The following PTPDC1 variants were observed in gnomAD, a reference collection of about 807,000 sequenced individuals.
PTPDC1 encodes protein tyrosine phosphatase domain-containing protein 1.
PTPDC1 carries 53 observed loss-of-function variants against 75.3 expected under a neutral mutation model. The observed-to-expected ratio is 0.70, with a 90% CI of 0.56 to 0.88. The LOEUF (loss-of-function observed/expected upper bound fraction) is 0.88. Ranked by LOEUF, PTPDC1 falls within the 40% of genes least tolerant of loss-of-function variation. The pLI is 0.00. For missense variants in PTPDC1, 925 were observed against 998.6 expected, an observed-to-expected ratio of 0.93 and a Z score of 0.99; for synonymous variants, 349 against 366.2, an observed-to-expected ratio of 0.95 and a Z score of 0.54.
intron 4 of PTPDC1, among the ~76,000 whole-genome samples, chr9:94,094,892 C>G (rs1040828330): frequency 6.6e-6 from 1 of 152,226 alleles, no homozygotes; most frequent in Non-Finnish European, 1.5e-5. Flanking sequence ...ACCCCCTGAC[C>G]CCTTGCGCTT....
chr9:94,091,747 G>A (rs953492830), intron 4 of PTPDC1, among the ~76,000 whole-genome samples: 53 of 152,236 alleles, frequency 3.5e-4, no homozygotes, highest in African/African-American at 1.3e-3. Flanking sequence ...ATTGATTATT[G>A]CCACAATTTC....
chr9:94,035,972 T>C (rs1465154309), intron 1 of PTPDC1, among the ~76,000 whole-genome samples: 1 of 152,078 alleles, frequency 6.6e-6, no homozygotes, highest in East Asian at 1.9e-4. Flanking sequence ...GTATGTCTTA[T>C]TTGGAAAAAT....
Position 94,095,373 on chromosome 9 carries a change from CT to C in PTPDC1, c.674del (p.Leu225GlnfsTer4), listed in dbSNP as rs765489120. 2 of 1,612,282 alleles carry C rather than the reference CT, an allele frequency of 1.2e-6. No homozygotes were observed. The highest frequency in any genetic ancestry group is 1.7e-6 in the Non-Finnish European group (2 of 1,178,514). On this transcript the variant is annotated frameshift_variant, in exon 5 of 9. Transcript: ENST00000620992. LOFTEE classifies it high-confidence loss of function. ...DYGVASLTTI[L>X]DMVKVMTFAL... is the part of the protein sequence containing the mutation. ...TGGTGTAGCGTCTCTTACTACTATC[CT>C]AGATATGGTGAAGGTGATGACATTT... is the stretch of plus-strand genomic sequence containing the variant.
At chr9:94,050,473 G>T (rs900429836) in intron 1 of PTPDC1, among the ~76,000 whole-genome samples, 1 of 152,220 alleles carries the variant, frequency 6.6e-6, no homozygotes, top group South Asian at 2.1e-4. Context: ...GTTTGCTGGA[G>T]GTCCACTCCA....
In PTPDC1 at chr9:94,091,571, T is replaced by G. The variant is rs1827320863; in HGVS notation, c.616+3308T>G. Among the ~76,000 whole-genome samples the G allele has an allele frequency of 3.3e-5, 5 of 152,290 alleles. No individual in the cohort carries two copies. In the South Asian group the frequency reaches 6.2e-4, roughly 19 times the overall value. ...TTTTTTGTTGTGTCTCTGCCTGGCTTTGGTATCAGAATGATGCTGGCCTCA... is the reference window on the plus strand; with the variant it reads ...TTTTTTGTTGTGTCTCTGCCTGGCTGTGGTATCAGAATGATGCTGGCCTCA... On this transcript the variant is annotated intron_variant, in intron 4 of 8. Coordinates refer to ENST00000620992, the MANE Select transcript of PTPDC1 (RefSeq NM_001253829.2).
At chr9:94,057,143 G>A (rs1400734058) in intron 1 of PTPDC1, among the ~76,000 whole-genome samples, 1 of 152,108 alleles carries the variant, frequency 6.6e-6, no homozygotes, top group Non-Finnish European at 1.5e-5. Context: ...CGCGATTACA[G>A]CTCACCGAGG....
rs372696476 is a variant in PTPDC1, at chr9:94,049,524, A to G, written c.-6-15210A>G. Among the ~76,000 whole-genome samples, 169 of 152,232 alleles carry G rather than the reference A, an allele frequency of 1.1e-3. 3 individuals carry two copies. In the East Asian group the frequency reaches 0.025, roughly 22 times the overall value. ...CTGAGTTGAAAATTCTTTTCTTTAAAAATGTTGAATATCGGCCCCCACTCT... is the reference window on the plus strand; with the variant it reads ...CTGAGTTGAAAATTCTTTTCTTTAAGAATGTTGAATATCGGCCCCCACTCT... On this transcript the variant is annotated intron_variant, in intron 1 of 9. Transcript: ENST00000375360.
chr9:94,041,250 G>A (rs556456248), intron 1 of PTPDC1, among the ~76,000 whole-genome samples: 1 of 152,294 alleles, frequency 6.6e-6, no homozygotes, highest in East Asian at 1.9e-4. Context: ...TTCTCTCTGT[G>A]ATTAGTTGCA....
chr9:94,048,482 T>C (rs533032061), intron 1 of PTPDC1, among the ~76,000 whole-genome samples: 1 of 152,142 alleles, frequency 6.6e-6, no homozygotes, highest in African/African-American at 2.4e-5. Context: ...CATTCAGGAG[T>C]AGGTTGTTCA....
intron 1 of PTPDC1, among the ~76,000 whole-genome samples, chr9:94,044,019 G>C (rs752595655): frequency 1.8e-4 from 28 of 152,134 alleles, no homozygotes; most frequent in Non-Finnish European, 3.4e-4. Context: ...ATTGATTGAA[G>C]TGTCTAATGT....
At chr9:94,106,967 T>G (rs988128693) in intron 8 of PTPDC1, among the ~76,000 whole-genome samples, 3 of 152,082 alleles carry the variant, frequency 2.0e-5, no homozygotes, top group Non-Finnish European at 4.4e-5. Context: ...GTTTGTTTGT[T>G]TTTTGAGACA....
intron 2 of PTPDC1, among the ~76,000 whole-genome samples, chr9:94,070,915 C>T (rs1318423760): frequency 1.3e-5 from 2 of 152,148 alleles, no homozygotes. Context: ...AGTTCATTCA[C>T]TGAAGGGTGT....
In PTPDC1 at chr9:94,084,639, G is replaced by A. The variant is rs1208376588; in HGVS notation, c.109G>A (p.Ala37Thr). Reference sequence around the variant, plus strand: ...AGACCCAGTACTGCGGCTGCAGCAGGCCCGGCGGGGCTCTGGCTTGGGCTC... The same window carrying A: ...AGACCCAGTACTGCGGCTGCAGCAGACCCGGCGGGGCTCTGGCTTGGGCTC... ...TSDPVLRLQQ[A>T]RRGSGLGSGS... The change falls in exon 1 of 9, where the codon GCC becomes ACC. Residue 37 changes from alanine to threonine, a missense_variant. By Grantham distance (58) the Ala-to-Thr change is moderately conservative. Transcript: ENST00000620992. The A allele has an allele frequency of 6.2e-7, 1 of 1,613,314 alleles. No homozygotes were observed. Among genetic ancestry groups the A allele is most frequent in the Non-Finnish European group, 8.5e-7 (1 of 1,179,730 alleles).
chr9:94,057,771 T>A (rs1179779494), intron 1 of PTPDC1, among the ~76,000 whole-genome samples: 1 of 152,234 alleles, frequency 6.6e-6, no homozygotes, highest in African/African-American at 2.4e-5. Context: ...AGCAGTTATA[T>A]ACAGTTGGAC....
intron 1 of PTPDC1, among the ~76,000 whole-genome samples, chr9:94,034,174 T>C (rs1433741558): frequency 6.6e-6 from 1 of 152,196 alleles, no homozygotes; most frequent in Non-Finnish European, 1.5e-5. Flanking sequence ...TGAAAAAATA[T>C]TAGGAAATTA....
chr9:94,041,150 T>G (rs2118407679), intron 1 of PTPDC1, among the ~76,000 whole-genome samples: 1 of 152,296 alleles, frequency 6.6e-6, no homozygotes, highest in Non-Finnish European at 1.5e-5. Context: ...GATGTACAAA[T>G]CAACTGACTC....
chr9:94,063,463 A>G (rs1340592806), intron 1 of PTPDC1, among the ~76,000 whole-genome samples: 3 of 152,238 alleles, frequency 2.0e-5, no homozygotes, highest in Admixed American at 1.3e-4. Context: ...TATGCACATT[A>G]TAAAATTTTG....
chr9:94,031,586 A>T (rs1047873656), intron 1 of PTPDC1, among the ~76,000 whole-genome samples: 1 of 152,128 alleles, frequency 6.6e-6, no homozygotes, highest in African/African-American at 2.4e-5. Context: ...TGACCAAGTC[A>T]TTTATCTCTC....
chr9:94,037,715 C>T (rs1014497315), intron 1 of PTPDC1, among the ~76,000 whole-genome samples: 1 of 152,054 alleles, frequency 6.6e-6, no homozygotes, highest in Non-Finnish European at 1.5e-5. Context: ...CCTTTCCATC[C>T]TTAATTCCTG....
Sources: allele counts gnomAD v4.1 joint callset (sites outside exome capture counted in the v4.1 genomes callset), GRCh38; gene constraint gnomAD v4.1.1; transcripts MANE v1.5; gene names NCBI Gene and HGNC (gene_info 2026-07-23, HGNC 2026-07-21).